Variants in MAPK10 observed in about 807,000 individuals in gnomAD.
MAPK10 encodes JNK3 alpha protein kinase.
In MAPK10, 25 loss-of-function variants were observed where a neutral mutation model predicts 59.3. The observed-to-expected ratio is 0.42, with a 90% CI of 0.31 to 0.59. MAPK10 has a LOEUF of 0.59. Ranked by LOEUF, MAPK10 falls within the 20% of genes least tolerant of loss-of-function variation. The probability of loss-of-function intolerance (pLI) is 0.15; values close to 1 mark genes in which losing one functional copy is unlikely to be tolerated. For synonymous variants in MAPK10, 190 were observed against 200.5 expected, an observed-to-expected ratio of 0.95 and a Z score of 0.44; for missense variants, 351 against 568.9, an observed-to-expected ratio of 0.62 and a Z score of 3.90.
chr4:86,505,658 A>C (rs899076291), intron 1 of MAPK10, among the ~76,000 whole-genome samples: 3 of 152,244 alleles, frequency 2.0e-5, no homozygotes, highest in African/African-American at 7.2e-5. Context: ...AGAGCCTCAG[A>C]TATTTCTTTT....
At chr4:86,022,818 T>G (rs1747988047) in intron 13 of MAPK10, among the ~76,000 whole-genome samples, 1 of 152,222 alleles carries the variant, frequency 6.6e-6, no homozygotes, top group Non-Finnish European at 1.5e-5. Context: ...CTGTAAGAGC[T>G]CTTTATATAA....
chr4:86,180,469 TCC>T (rs2149280971), intron 3 of MAPK10, among the ~76,000 whole-genome samples: 1 of 137,982 alleles, frequency 7.2e-6, no homozygotes, highest in East Asian at 2.1e-4. Flanking sequence ...GATCCAGCAA[TCC>T]CACTACTGGG....
At chr4:86,279,496 G>A (rs1416377570) in intron 2 of MAPK10, among the ~76,000 whole-genome samples, 1 of 152,196 alleles carries the variant, frequency 6.6e-6, no homozygotes, top group Non-Finnish European at 1.5e-5. Flanking sequence ...GCCACATAGA[G>A]CTGTTGTAAA....
At chr4:86,067,147 T>A (rs2046898193) in intron 10 of MAPK10, among the ~76,000 whole-genome samples, 1 of 152,114 alleles carries the variant, frequency 6.6e-6, no homozygotes, top group Non-Finnish European at 1.5e-5. Flanking sequence ...ATAATATATA[T>A]CTATTTTTTG....
chr4:86,287,142 GA>G, intron 2 of MAPK10, among the ~76,000 whole-genome samples: 1 of 152,148 alleles, frequency 6.6e-6, no homozygotes, highest in East Asian at 1.9e-4. Flanking sequence ...AGAGGATCAT[GA>G]AAAAAGGCTT....
chr4:86,535,339 C>T (rs1276847227), intron 1 of MAPK10, among the ~76,000 whole-genome samples: 1 of 152,184 alleles, frequency 6.6e-6, no homozygotes, highest in Non-Finnish European at 1.5e-5. Flanking sequence ...GCAACCCAAG[C>T]ATCACATGAA....
Position 86,290,546 on chromosome 4 carries a change from A to ATG in MAPK10, c.-7+63983_-7+63984insCA, listed in dbSNP as rs1202896586. On this transcript the variant is annotated intron_variant, in intron 2 of 13. Transcript: ENST00000641462. ...TTAGCTCTTTATCATTATGTAATAA[A>ATG]CTAGGTGTTTTACTTATTTATCTTA... 3.9e-5 allele frequency among the ~76,000 whole-genome samples: 6 copies of ATG among 152,348 alleles called. No homozygotes were observed. The East Asian group carries it at 1.2e-3, about 29-fold the overall frequency.
intron 13 of MAPK10, among the ~76,000 whole-genome samples, chr4:86,018,705 A>T (rs1020030192): frequency 6.6e-6 from 1 of 152,228 alleles, no homozygotes; most frequent in Non-Finnish European, 1.5e-5. Flanking sequence ...TCTGAGTGGT[A>T]ACACACTTGC....
rs1471519185 is a variant in MAPK10, at chr4:86,359,755, AAG to A, written c.-221_-220del. 2.0e-6 allele frequency: 2 copies of A among 985,596 alleles called. No individual in the cohort carries two copies. Among genetic ancestry groups the A allele is most frequent in the African/African-American group, 3.5e-5 (2 of 57,200 alleles). 61.1% of individuals were successfully genotyped at this position (985,596 alleles called of 1,614,324 possible). On this transcript the variant is annotated 5_prime_UTR_variant, in exon 1 of 14. Coordinates refer to ENST00000641462, the MANE Select transcript of MAPK10 (RefSeq NM_138982.4). ...TTAACCACATTCCAGACTAACATGG[AAG>A]AGATTCTTTGGAGATATGGAGATTG...
At chr4:86,560,533 G>A (rs1760598068) in intron 1 of MAPK10, among the ~76,000 whole-genome samples, 2 of 152,216 alleles carry the variant, frequency 1.3e-5, no homozygotes, top group Non-Finnish European at 2.9e-5. Context: ...TTAGGGAGTA[G>A]TTGATAAACC....
At chr4:86,034,789 G>A (rs1176182062) in intron 11 of MAPK10, among the ~76,000 whole-genome samples, 1 of 152,104 alleles carries the variant, frequency 6.6e-6, no homozygotes, top group African/African-American at 2.4e-5. Context: ...CTTATTCAGT[G>A]AGCGAAAGAT....
At chr4:86,126,219 TC>T (rs2060048659) in intron 4 of MAPK10, among the ~76,000 whole-genome samples, 3 of 152,134 alleles carry the variant, frequency 2.0e-5, no homozygotes, top group Non-Finnish European at 4.4e-5. Context: ...TGGACTTCTT[TC>T]CTTTGTTACT....
rs1741362782 is a variant in MAPK10 at position 86,010,681 on chromosome 4, C to T, written c.*6547G>A. The T allele has an allele frequency of 1.3e-5, 2 of 152,158 alleles. No individual in the cohort carries two copies. The highest frequency in any genetic ancestry group is 6.5e-5 in the Admixed American group (1 of 15,272). The allele number at this position is 152,158 out of a possible 1,614,324, so 9.4% of individuals were successfully genotyped here. ...GAAATACTTTAATATTATGAATTCT[C>T]TTGGTCTGTGTAAAATATTATTTGC... On this transcript the variant is annotated 3_prime_UTR_variant, in exon 14 of 14. Transcript: ENST00000641462.
chr4:86,273,790 T>C (rs2094498375), intron 2 of MAPK10, among the ~76,000 whole-genome samples: 1 of 152,030 alleles, frequency 6.6e-6, no homozygotes, highest in South Asian at 2.1e-4. Context: ...CAATTTATGT[T>C]CAAGAGGCTT....
At chr4:86,245,541 C>G (rs1191589934) in intron 2 of MAPK10, among the ~76,000 whole-genome samples, 4 of 151,802 alleles carry the variant, frequency 2.6e-5, no homozygotes, top group Non-Finnish European at 4.4e-5. Flanking sequence ...ACTATATTGC[C>G]CAGGCTGGTC....
intron 3 of MAPK10, among the ~76,000 whole-genome samples, chr4:86,183,064 G>C (rs1023479628): frequency 6.6e-5 from 10 of 151,996 alleles, no homozygotes; most frequent in Non-Finnish European, 1.3e-4. Context: ...TATGTTAATT[G>C]ATAATTGTTT....
At chr4:86,407,684 T>C (rs1744533604) in intron 1 of MAPK10, among the ~76,000 whole-genome samples, 1 of 152,034 alleles carries the variant, frequency 6.6e-6, no homozygotes, top group Non-Finnish European at 1.5e-5. Context: ...TGTAAAAAGA[T>C]AAAAATAAAT....
chr4:86,272,727 G>A (rs1176001550), intron 2 of MAPK10, among the ~76,000 whole-genome samples: 2 of 151,954 alleles, frequency 1.3e-5, no homozygotes, highest in Non-Finnish European at 2.9e-5. Flanking sequence ...GGTCTAGGCA[G>A]GGCAAATCAC....
chr4:86,365,223 G>A (rs979746217), intron 1 of MAPK10, among the ~76,000 whole-genome samples: 5 of 151,844 alleles, frequency 3.3e-5, no homozygotes, highest in African/African-American at 1.2e-4. Context: ...CTTGAGGTAA[G>A]GAGTTTGAGA....
Sources: allele counts gnomAD v4.1 joint callset (sites outside exome capture counted in the v4.1 genomes callset), GRCh38; gene constraint gnomAD v4.1.1; transcripts MANE v1.5; gene names NCBI Gene and HGNC (gene_info 2026-07-23, HGNC 2026-07-21).